The following ST8SIA6 variants were observed in gnomAD, a reference collection of about 807,000 sequenced individuals.
ST8SIA6 encodes the protein ST8 alpha-N-acetyl-neuraminide alpha-2,8-sialyltransferase 6.
Under a neutral mutation model 33.6 loss-of-function variants are expected in ST8SIA6, and 39 were observed. The ratio of observed to expected loss-of-function variants is 1.16; its 90% CI spans 0.90 to 1.52. The LOEUF is 1.52. ST8SIA6 is among the 40% of genes most tolerant of loss of function. The probability of loss-of-function intolerance (pLI) is 0.00; values close to 1 mark genes in which losing one functional copy is unlikely to be tolerated. For missense variants in ST8SIA6, 441 were observed against 443.8 expected (o/e 0.99, Z 0.06); for synonymous variants, 172 against 167.2 (o/e 1.03, Z -0.22).
intron 6 of ST8SIA6, among the ~76,000 whole-genome samples, chr10:17,324,885 T>C (rs1446721997): frequency 2.0e-5 from 3 of 146,430 alleles, no homozygotes; most frequent in Non-Finnish European, 3.0e-5. Context: ...GTAATATATG[T>C]ATATTATATA....
At chr10:17,357,771 TC>T (rs993655699) in intron 4 of ST8SIA6, among the ~76,000 whole-genome samples, 7 of 152,210 alleles carry the variant, frequency 4.6e-5, no homozygotes, top group African/African-American at 1.7e-4. Context: ...AAGTAAAAGC[TC>T]CTATACTCCC....
At chr10:17,362,647 G>A (rs1354770232) in intron 3 of ST8SIA6, among the ~76,000 whole-genome samples, 2 of 152,132 alleles carry the variant, frequency 1.3e-5, no homozygotes, top group African/African-American at 2.4e-5. Flanking sequence ...TTTGAGGACT[G>A]ACCTTTTCTA....
At chr10:17,360,292 A>C (rs1011269510) in intron 3 of ST8SIA6, among the ~76,000 whole-genome samples, 6 of 152,142 alleles carry the variant, frequency 3.9e-5, no homozygotes, top group African/African-American at 1.4e-4. Context: ...ATTTTATTTC[A>C]ATTAGTAACT....
intron 2 of ST8SIA6, chr10:17,399,198 G>C (rs1026909207): frequency 2.0e-5 from 3 of 152,150 alleles, no homozygotes; most frequent in Admixed American, 2.0e-4. Context: ...CTGTGCCAGA[G>C]AATGGTAAGT....
chr10:17,360,948 G>T (rs1373058225), intron 3 of ST8SIA6, among the ~76,000 whole-genome samples: 3 of 151,472 alleles, frequency 2.0e-5, no homozygotes, highest in African/African-American at 7.3e-5. Context: ...GGAAGAAGAA[G>T]AAGAAGGAGG....
At chr10:17,401,450 CA>C (rs1851037873) in intron 2 of ST8SIA6, among the ~76,000 whole-genome samples, 1 of 152,126 alleles carries the variant, frequency 6.6e-6, no homozygotes, top group South Asian at 2.1e-4. Context: ...CATATGGAAC[CA>C]AAAACGAGCC....
chr10:17,354,824 A>G (rs1240733837), intron 4 of ST8SIA6, among the ~76,000 whole-genome samples: 1 of 152,210 alleles, frequency 6.6e-6, no homozygotes, highest in Non-Finnish European at 1.5e-5. Flanking sequence ...TGAAAGCCAC[A>G]GATTCTTTTC....
intron 3 of ST8SIA6, among the ~76,000 whole-genome samples, chr10:17,366,105 A>T (rs1849550840): frequency 6.6e-6 from 1 of 152,208 alleles, no homozygotes; most frequent in Admixed American, 6.5e-5. Context: ...ATGAAAGCCA[A>T]ACTAGGAGAA....
intron 4 of ST8SIA6, among the ~76,000 whole-genome samples, chr10:17,341,913 AAAAAAAAAC>A (rs1359554338): frequency 1.3e-5 from 2 of 150,596 alleles, no homozygotes; most frequent in Non-Finnish European, 3.0e-5. Flanking sequence ...AAAAAAAAAA[AAAAAAAAAC>A]AAAAAGAAAG....
chr10:17,415,304 C>T (rs944961055), intron 2 of ST8SIA6, among the ~76,000 whole-genome samples: 3 of 152,144 alleles, frequency 2.0e-5, no homozygotes, highest in Non-Finnish European at 4.4e-5. Context: ...AAGGACTTTC[C>T]CCAAAGGTCC....
At chr10:17,441,922 G>A (rs1852511219) in intron 2 of ST8SIA6, among the ~76,000 whole-genome samples, 1 of 150,490 alleles carries the variant, frequency 6.6e-6, no homozygotes, top group South Asian at 2.1e-4. Flanking sequence ...AGGCTGGAGT[G>A]CAGTGGTGTG....
intron 2 of ST8SIA6, among the ~76,000 whole-genome samples, chr10:17,443,615 G>A (rs562426228): frequency 1.8e-4 from 28 of 152,298 alleles, no homozygotes; most frequent in African/African-American, 6.3e-4. Context: ...ATTAATGACT[G>A]ATTATCTACA....
At chr10:17,443,655 G>A (rs980666891) in intron 2 of ST8SIA6, among the ~76,000 whole-genome samples, 4 of 152,180 alleles carry the variant, frequency 2.6e-5, no homozygotes, top group African/African-American at 9.6e-5. Context: ...AGTACTTGGT[G>A]AAAAATCATA....
At chr10:17,341,084 A>C (rs61844960) in intron 4 of ST8SIA6, among the ~76,000 whole-genome samples, 3,133 of 152,340 alleles carry the variant, frequency 0.021, 60 homozygotes, top group Non-Finnish European at 0.027. Flanking sequence ...TGAAGTCAGG[A>C]AGATTTACAG....
rs780256566 is a variant in ST8SIA6, at chr10:17,359,597, A to C, written c.294T>G (p.Tyr98Ter). The C allele has an allele frequency of 6.3e-7, 1 of 1,586,216 alleles. No homozygotes were observed. ...TAATCTGAAGGTAGTCGTTCTCTGA[A>C]TACCTAAAAATTAAATGTCAATATA... ...IESFSNKTKGYSENDYLQIIT... is the reference protein window; with the variant it reads ...IESFSNKTKG The change falls in exon 4 of 8, where the codon TAT becomes TAG. Residue 98 changes from tyrosine to a stop codon, truncating the protein, a stop_gained. Coordinates refer to ENST00000377602, the MANE Select transcript of ST8SIA6 (RefSeq NM_001004470.3). LOFTEE classifies it high-confidence loss of function.
chr10:17,347,440 A>G (rs1348909954), intron 4 of ST8SIA6, among the ~76,000 whole-genome samples: 1 of 152,040 alleles, frequency 6.6e-6, no homozygotes, highest in African/African-American at 2.4e-5. Context: ...GAGAGGGGAG[A>G]GGGCAATGAT....
intron 2 of ST8SIA6, among the ~76,000 whole-genome samples, chr10:17,437,880 A>G (rs907731867): frequency 2.0e-5 from 3 of 151,930 alleles, no homozygotes. Context: ...ACAGGTGGGC[A>G]CCACCATGCC....
chr10:17,419,694 C>T (rs1166350777), intron 2 of ST8SIA6, among the ~76,000 whole-genome samples: 1 of 152,234 alleles, frequency 6.6e-6, no homozygotes, highest in Non-Finnish European at 1.5e-5. Flanking sequence ...TCCCCACCCT[C>T]AGGGAACAAT....
At chr10:17,389,360 A>G (rs985892436) in intron 3 of ST8SIA6, among the ~76,000 whole-genome samples, 1 of 152,218 alleles carries the variant, frequency 6.6e-6, no homozygotes, top group African/African-American at 2.4e-5. Flanking sequence ...CGTTTACATT[A>G]TCCTGAACCA....
Sources: allele counts gnomAD v4.1 joint callset (sites outside exome capture counted in the v4.1 genomes callset), GRCh38; gene constraint gnomAD v4.1.1; transcripts MANE v1.5; gene names NCBI Gene and HGNC (gene_info 2026-07-23, HGNC 2026-07-21).